The following APBB2 variants were observed in gnomAD, a reference collection of about 807,000 sequenced individuals.
APBB2 encodes amyloid beta precursor protein binding family B member 2.
In APBB2, 38 loss-of-function variants were observed where a neutral mutation model predicts 82.5. The observed-to-expected ratio is 0.46, with a 90% CI of 0.36 to 0.60. The LOEUF is 0.60. Ranked by LOEUF, APBB2 falls within the 20% of genes least tolerant of loss-of-function variation. The probability of loss-of-function intolerance (pLI) is 0.00; values close to 1 mark genes in which losing one functional copy is unlikely to be tolerated. For missense variants in APBB2, 772 were observed against 972.3 expected (o/e 0.79, Z 2.74); for synonymous variants, 341 against 368.2 (o/e 0.93, Z 0.85).
chr4:41,141,626 G>C (rs773749947), intron 2 of APBB2, among the ~76,000 whole-genome samples: 54 of 152,250 alleles, frequency 3.5e-4, no homozygotes, highest in Non-Finnish European at 6.5e-4. Context: ...CCATTTTCAT[G>C]CTGTACCTGA....
At chr4:40,938,369 A>C (rs1026362406) in intron 7 of APBB2, among the ~76,000 whole-genome samples, 42 of 152,322 alleles carry the variant, frequency 2.8e-4, no homozygotes, top group African/African-American at 8.9e-4. Context: ...GGCACTCCTC[A>C]AAACCCTTGA....
chr4:41,029,941 G>A (rs1716038660), intron 5 of APBB2, among the ~76,000 whole-genome samples: 1 of 152,108 alleles, frequency 6.6e-6, no homozygotes, highest in Non-Finnish European at 1.5e-5. Context: ...CGGATCACGA[G>A]GTCAGAAGAT....
At chr4:41,052,816 G>C (rs1018777229) in intron 4 of APBB2, among the ~76,000 whole-genome samples, 3 of 150,656 alleles carry the variant, frequency 2.0e-5, no homozygotes, top group African/African-American at 7.3e-5. Context: ...CACCCAGCTG[G>C]AGTGCAGTGG....
chr4:41,026,606 G>A (rs1011205878), intron 5 of APBB2, among the ~76,000 whole-genome samples: 1 of 152,102 alleles, frequency 6.6e-6, no homozygotes, highest in African/African-American at 2.4e-5. Context: ...TTTGTGACTG[G>A]CTTCTCTCAT....
intron 6 of APBB2, among the ~76,000 whole-genome samples, chr4:41,007,315 T>G (rs1019589948): frequency 1.3e-5 from 2 of 151,800 alleles, no homozygotes; most frequent in Admixed American, 6.6e-5. Context: ...CGGCACTCAC[T>G]AGATGCTGGT....
In APBB2 at chr4:41,176,796, T is replaced by C. The variant is rs555646229; in HGVS notation, c.-416-33654A>G. On this transcript the variant is annotated intron_variant, in intron 1 of 17. Coordinates refer to ENST00000508593, the MANE Select transcript of APBB2 (RefSeq NM_004307.2). ...AGCTTATTTCATAAAGCATTTTGGG[T>C]TAACAAAAACTAAAATTATAAGAAA... Among the ~76,000 whole-genome samples the C allele has an allele frequency of 2.6e-5, 4 of 152,054 alleles. No individual in the cohort carries two copies. The South Asian group carries it at 6.2e-4, about 24-fold the overall frequency.
intron 10 of APBB2, among the ~76,000 whole-genome samples, chr4:40,901,242 T>C (rs965016680): frequency 2.6e-5 from 4 of 152,166 alleles, no homozygotes; most frequent in Non-Finnish European, 5.9e-5. Context: ...ATGACTTAGA[T>C]TAAGAATCTT....
At chr4:41,187,279 T>G (rs1173964701) in intron 1 of APBB2, among the ~76,000 whole-genome samples, 5 of 152,234 alleles carry the variant, frequency 3.3e-5, no homozygotes, top group African/African-American at 7.2e-5. Flanking sequence ...TGGCTTTTTA[T>G]ACTTTGTTAT....
intron 6 of APBB2, among the ~76,000 whole-genome samples, chr4:40,969,252 C>T (rs1795384773): frequency 6.6e-6 from 1 of 152,162 alleles, no homozygotes; most frequent in Non-Finnish European, 1.5e-5. Context: ...GACACACCCA[C>T]CTCCTTTAGC....
intron 4 of APBB2, among the ~76,000 whole-genome samples, chr4:41,040,324 A>G (rs1023581951): frequency 2.0e-5 from 3 of 152,188 alleles, no homozygotes; most frequent in African/African-American, 7.2e-5. Flanking sequence ...CCCCCGGAGA[A>G]CTAAGCCTTA....
intron 12 of APBB2, among the ~76,000 whole-genome samples, chr4:40,862,127 A>G (rs1762899812): frequency 6.6e-6 from 1 of 152,224 alleles, no homozygotes; most frequent in Non-Finnish European, 1.5e-5. Flanking sequence ...TTTAAACTGG[A>G]TAATAACTGA....
At chr4:40,992,672 A>C (rs1291541607) in intron 6 of APBB2, among the ~76,000 whole-genome samples, 4 of 152,166 alleles carry the variant, frequency 2.6e-5, no homozygotes, top group Admixed American at 6.5e-5. Flanking sequence ...TAACCCCTGG[A>C]AGTAACGCGG....
At chr4:40,851,491 T>C (rs1759335661) in intron 12 of APBB2, among the ~76,000 whole-genome samples, 2 of 152,088 alleles carry the variant, frequency 1.3e-5, no homozygotes, top group Non-Finnish European at 2.9e-5. Flanking sequence ...GGCAAACAGA[T>C]GCATGCTCTG....
At chr4:41,079,836 C>T (rs950281208) in intron 3 of APBB2, among the ~76,000 whole-genome samples, 5 of 152,046 alleles carry the variant, frequency 3.3e-5, no homozygotes, top group South Asian at 2.1e-4. Context: ...CGTAAACCAC[C>T]GCGACCGGCC....
intron 1 of APBB2, among the ~76,000 whole-genome samples, chr4:41,205,586 A>C: frequency 6.6e-6 from 1 of 152,238 alleles, no homozygotes; most frequent in East Asian, 1.9e-4. Context: ...CTAGAAAAAC[A>C]CAAAAACTAT....
In APBB2 at chr4:40,846,133, C is replaced by G. The variant is rs188877370; in HGVS notation, c.1530-15556G>C. On this transcript the variant is annotated intron_variant, in intron 12 of 17. Transcript: ENST00000508593. The stretch of plus-strand genomic sequence containing the variant: ...ATCTGTGAAATGGGAATCATAGAGG[C>G]CTTCAGGTCCTGAGAGTGCCATAAA... 7.5e-3 allele frequency among the ~76,000 whole-genome samples: 1,143 copies of G among 151,770 alleles called. 15 individuals are homozygous for G. The highest frequency in any genetic ancestry group is 0.027 in the African/African-American group (1,105 of 41,314).
chr4:40,853,298 C>G (rs140327303), intron 12 of APBB2, among the ~76,000 whole-genome samples: 5 of 152,258 alleles, frequency 3.3e-5, no homozygotes, highest in South Asian at 2.1e-4. Flanking sequence ...ATGGCATTCC[C>G]CTGGTTAACC....
At chr4:41,149,288 A>G (rs1267137303) in intron 1 of APBB2, among the ~76,000 whole-genome samples, 5 of 152,224 alleles carry the variant, frequency 3.3e-5, no homozygotes, top group Non-Finnish European at 7.3e-5. Flanking sequence ...AGATTAAAAA[A>G]AAATTAAATT....
chr4:41,112,931 G>A (rs904892350), intron 2 of APBB2, among the ~76,000 whole-genome samples: 1 of 151,946 alleles, frequency 6.6e-6, no homozygotes. Context: ...AGGTTGCAGT[G>A]AGCCGAGATT....
Sources: allele counts gnomAD v4.1 joint callset (sites outside exome capture counted in the v4.1 genomes callset), GRCh38; gene constraint gnomAD v4.1.1; transcripts MANE v1.5; gene names NCBI Gene and HGNC (gene_info 2026-07-23, HGNC 2026-07-21).